The following TBCD variants were observed in gnomAD, a reference collection of about 807,000 sequenced individuals.
TBCD encodes the protein tubulin-specific chaperone D.
In TBCD, 105 loss-of-function variants were observed where a neutral mutation model predicts 169.3. The ratio of observed to expected loss-of-function variants is 0.62; its 90% CI spans 0.53 to 0.73. The LOEUF (loss-of-function observed/expected upper bound fraction) is 0.73, where lower values mean the gene tolerates loss of function less well. TBCD is among the 30% of genes least tolerant of loss of function. TBCD has a pLI of 0.00. For synonymous variants in TBCD, 700 were observed against 643.9 expected, an observed-to-expected ratio of 1.09 and a Z score of -1.32; for missense variants, 1,444 against 1,600.1, an observed-to-expected ratio of 0.90 and a Z score of 1.66.
chr17:82,847,059 A>G (rs2055189089), intron 13 of TBCD, among the ~76,000 whole-genome samples: 1 of 152,220 alleles, frequency 6.6e-6, no homozygotes, highest in South Asian at 2.1e-4. Context: ...GTTTCTCATT[A>G]AAAAGAAACA....
At position 82,922,820 on chromosome 17, in the gene TBCD, T is replaced by C. The variant is rs527363904; in HGVS notation, c.2179-832T>C. ...CGGCTCCTGGGCTTCGGGGGAGCGGTGGAAAGAACACGTGGGTTTGGTGTT... is the reference window on the plus strand; with the variant it reads ...CGGCTCCTGGGCTTCGGGGGAGCGGCGGAAAGAACACGTGGGTTTGGTGTT... On this transcript the variant is annotated intron_variant, in intron 25 of 38. Transcript: ENST00000355528. The surrounding 1 kb of genome is among the most constrained non-coding windows in gnomAD (Gnocchi z 4.1). Among the ~76,000 whole-genome samples, 233 of 152,168 alleles carry C rather than the reference T, an allele frequency of 1.5e-3. No homozygotes were observed. Among genetic ancestry groups the C allele is most frequent in the Non-Finnish European group, 2.6e-3 (179 of 67,986 alleles).
intron 2 of TBCD, among the ~76,000 whole-genome samples, chr17:82,756,496 T>C (rs903360410): frequency 2.0e-5 from 3 of 152,190 alleles, no homozygotes; most frequent in South Asian, 2.1e-4. Flanking sequence ...TTTTCTTTTT[T>C]TTGAGACGGA....
At chr17:82,796,809 AG>A (rs2050140651) in intron 7 of TBCD, among the ~76,000 whole-genome samples, 1 of 152,238 alleles carries the variant, frequency 6.6e-6, no homozygotes, top group African/African-American at 2.4e-5. Context: ...GTAAGAGATC[AG>A]GCAGTTTACA....
chr17:82,756,721 G>A (rs1041791614), intron 2 of TBCD, among the ~76,000 whole-genome samples: 21 of 152,016 alleles, frequency 1.4e-4, no homozygotes, highest in Non-Finnish European at 2.9e-4. Flanking sequence ...CTCGTGATCC[G>A]CCTGCCTCGG....
chr17:82,851,936 G>T (rs752432110), intron 13 of TBCD, among the ~76,000 whole-genome samples: 3 of 152,170 alleles, frequency 2.0e-5, no homozygotes, highest in African/African-American at 7.2e-5. Flanking sequence ...CTGCTTCAGC[G>T]CATCTGCTTG....
chr17:82,817,631 A>C (rs1240195079), intron 13 of TBCD, among the ~76,000 whole-genome samples: 2 of 152,004 alleles, frequency 1.3e-5, no homozygotes, highest in Non-Finnish European at 2.9e-5. Context: ...TTTTTTGTAG[A>C]GATGGGGGTC....
intron 30 of TBCD, among the ~76,000 whole-genome samples, chr17:82,928,773 T>A (rs1463172435): frequency 6.9e-6 from 1 of 144,114 alleles, no homozygotes; most frequent in Admixed American, 6.9e-5. Flanking sequence ...TCCCCATCAC[T>A]CTTCTCCACC....
chr17:82,875,084 C>T (rs1371456191), intron 14 of TBCD, among the ~76,000 whole-genome samples: 1 of 152,200 alleles, frequency 6.6e-6, no homozygotes, highest in Non-Finnish European at 1.5e-5. Context: ...TAATTGGTTC[C>T]TAGCTTTTTG....
chr17:82,940,250 TA>T (rs1270138160), intron 37 of TBCD, among the ~76,000 whole-genome samples: 7 of 90,134 alleles, frequency 7.8e-5, no homozygotes, highest in African/African-American at 2.7e-4. Flanking sequence ...CACACACTTC[TA>T]AAAGGGGAGC....
At position 82,890,649 on chromosome 17, in the gene TBCD, C is replaced by T. The variant is rs2059065227; in HGVS notation, c.1563+952C>T. 6.6e-6 allele frequency among the ~76,000 whole-genome samples: 1 copy of T among 152,172 alleles called. No individual in the cohort carries two copies. Among genetic ancestry groups the T allele is most frequent in the South Asian group, 2.1e-4 (1 of 4,830 alleles). On this transcript the variant is annotated intron_variant, in intron 16 of 38. Coordinates refer to ENST00000355528, the MANE Select transcript of TBCD (RefSeq NM_005993.5). This position sits in a 1 kb window ranked among gnomAD's most constrained non-coding sequence, Gnocchi z 5.3. ...TGGCGTGAGTGGTGTGGGCGGCTTT[C>T]TGTAGACGGAGCCCAGGAAGGGGCG...
At position 82,926,503 on chromosome 17, in the gene TBCD, CAGTTCCTCCCTAAAGTCGTA is replaced by C. The variant is rs1287498519; in HGVS notation, c.2471+16_2471+35del. On this transcript the variant is annotated intron_variant, in intron 28 of 38. Coordinates refer to ENST00000355528, the MANE Select transcript of TBCD (RefSeq NM_005993.5). ...AAGGCCATTGCGAGGTGAGTCCCAA[CAGTTCCTCCCTAAAGTCGTA>C]AGTCTCTGAAAGGCCAGCAGATGAA... The C allele has an allele frequency of 1.9e-6, 3 of 1,611,536 alleles. No homozygotes were observed. The highest frequency in any genetic ancestry group is 2.5e-6 in the Non-Finnish European group (3 of 1,178,042).
chr17:82,924,678 G>A (rs1340308607), intron 26 of TBCD, among the ~76,000 whole-genome samples: 1 of 152,208 alleles, frequency 6.6e-6, no homozygotes, highest in Non-Finnish European at 1.5e-5. Context: ...GAGGCTGAGT[G>A]TGGGGTTGAG....
chr17:82,827,002 C>T (rs1013019893), intron 13 of TBCD, among the ~76,000 whole-genome samples: 1 of 152,190 alleles, frequency 6.6e-6, no homozygotes, highest in Admixed American at 6.5e-5. Context: ...AACTCCTGAC[C>T]TCAAGCAATC....
intron 14 of TBCD, among the ~76,000 whole-genome samples, chr17:82,882,277 C>T (rs1014023927): frequency 1.3e-5 from 2 of 152,250 alleles, no homozygotes; most frequent in Non-Finnish European, 2.9e-5. Flanking sequence ...TTTCTCCTGC[C>T]TCCTTCAGTC....
At chr17:82,919,263 G>A (rs1173748890) in intron 23 of TBCD, among the ~76,000 whole-genome samples, 1 of 152,028 alleles carries the variant, frequency 6.6e-6, no homozygotes, top group African/African-American at 2.4e-5. Flanking sequence ...GGTTTTCTGG[G>A]GTTTTTTGTT....
At chr17:82,830,255 G>A in intron 13 of TBCD, 1 of 1,614,210 alleles carries the variant, frequency 6.2e-7, no homozygotes, top group Non-Finnish European at 8.5e-7. Flanking sequence ...GTCCTCTTTT[G>A]TCCTTTGGGT....
chr17:82,905,090 T>C (rs375547226), intron 19 of TBCD, among the ~76,000 whole-genome samples: 148 of 152,322 alleles, frequency 9.7e-4, no homozygotes, highest in Middle Eastern at 3.4e-3. Context: ...TCCCTCTGCG[T>C]CCGTGAGGGT....
intron 12 of TBCD, among the ~76,000 whole-genome samples, chr17:82,813,279 C>T (rs1385793497): frequency 2.0e-5 from 3 of 152,234 alleles, no homozygotes; most frequent in Non-Finnish European, 2.9e-5. Flanking sequence ...TCCTCTCTCT[C>T]TCTCTCTCTT....
chr17:82,768,937 A>T (rs1168861181), intron 5 of TBCD, among the ~76,000 whole-genome samples: 29 of 152,234 alleles, frequency 1.9e-4, no homozygotes, highest in Admixed American at 1.8e-3. Flanking sequence ...AGCAAGAAAA[A>T]TACTAAATTT....
Sources: gnomAD v4.1 joint callset for allele counts (sites outside exome capture counted in the v4.1 genomes callset) on GRCh38, gnomAD v4.1.1 for gene constraint, Gnocchi (gnomAD v3.1) non-coding constraint, MANE v1.5 for transcripts, NCBI Gene and HGNC (gene_info 2026-07-23, HGNC 2026-07-21) for gene names.